EPB41L5: variants seen among roughly 807,000 people sequenced by gnomAD.
EPB41L5 encodes the protein erythrocyte membrane protein band 4.1 like 5.
Under a neutral mutation model 106.6 loss-of-function variants are expected in EPB41L5, and 55 were observed. The ratio of observed to expected loss-of-function variants is 0.52; its 90% CI spans 0.42 to 0.65. EPB41L5 has a LOEUF of 0.65. EPB41L5 is among the 30% of genes least tolerant of loss of function. The pLI is 0.00. For synonymous variants in EPB41L5, 297 were observed against 306.7 expected (o/e 0.97, Z 0.33); for missense variants, 871 against 882.1 (o/e 0.99, Z 0.16).
chr2:120,095,701 C>G (rs1683708745), intron 14 of EPB41L5, among the ~76,000 whole-genome samples: 2 of 152,054 alleles, frequency 1.3e-5, no homozygotes, highest in Admixed American at 6.6e-5. Flanking sequence ...CGGAGTCTTG[C>G]TCTATCGCTC....
intron 2 of EPB41L5, among the ~76,000 whole-genome samples, chr2:120,027,133 G>T (rs994172078): frequency 1.3e-5 from 2 of 152,168 alleles, no homozygotes; most frequent in African/African-American, 4.8e-5. Flanking sequence ...CAGCTGCTTT[G>T]GATAATAGTG....
chr2:120,104,946 T>A, intron 16 of EPB41L5: 9 of 979,780 alleles, frequency 9.2e-6, no homozygotes, highest in Non-Finnish European at 8.5e-6. Flanking sequence ...AACTGAATGG[T>A]TACATTACTA....
intron 3 of EPB41L5, among the ~76,000 whole-genome samples, chr2:120,067,566 A>G (rs1412571309): frequency 1.3e-5 from 2 of 152,226 alleles, no homozygotes; most frequent in Non-Finnish European, 2.9e-5. Flanking sequence ...AATATCTGGA[A>G]TAGGTTTTTA....
intron 2 of EPB41L5, among the ~76,000 whole-genome samples, chr2:120,034,580 A>G (rs1678923143): frequency 6.6e-6 from 1 of 152,050 alleles, no homozygotes; most frequent in East Asian, 1.9e-4. Context: ...TAAATTTGTT[A>G]GCTGGGCTCA....
intron 11 of EPB41L5, among the ~76,000 whole-genome samples, chr2:120,088,460 G>A (rs1404992973): frequency 1.3e-5 from 2 of 152,138 alleles, no homozygotes; most frequent in Admixed American, 6.6e-5. Flanking sequence ...AGAGGGAGAA[G>A]AGTAGAAAAG....
chr2:120,075,711 C>G lies in EPB41L5; in HGVS notation c.463C>G (p.Pro155Ala), dbSNP rs1459292528. ...QDILSGKLDC[P>A]FDTAVQLAAY... ...GTGTTTTGGTCTCAGATTAGACTGT[C>G]CCTTTGATACAGCAGTGCAATTGGC... The change falls in exon 7 of 25, where the codon CCC becomes GCC. Residue 155 changes from proline (P) to alanine (A), a missense_variant. Transcript: ENST00000263713. 1 of 1,613,412 alleles carries G rather than the reference C, an allele frequency of 6.2e-7. No homozygotes were observed. Among genetic ancestry groups the G allele is most frequent in the Non-Finnish European group, 8.5e-7 (1 of 1,179,540 alleles).
At chr2:120,160,766 C>T in intron 20 of EPB41L5, 115 bp from the exon 21 acceptor site, 2 of 695,818 alleles carry the variant, frequency 2.9e-6, no homozygotes, top group Middle Eastern at 2.5e-4. Flanking sequence ...AGCATTTTTT[C>T]ATATACCTTC....
At chr2:120,111,107 G>C (rs1684711588) in intron 16 of EPB41L5, among the ~76,000 whole-genome samples, 1 of 152,074 alleles carries the variant, frequency 6.6e-6, no homozygotes, top group South Asian at 2.1e-4. Flanking sequence ...TCCAGGATCT[G>C]ACCCGAGATC....
At chr2:120,090,644 C>A (rs1168787645) in intron 12 of EPB41L5, 128 bp downstream of exon 12, 3 of 714,356 alleles carry the variant, frequency 4.2e-6, no homozygotes, top group Non-Finnish European at 6.7e-6. Flanking sequence ...CAGAGTCTTC[C>A]ATTGGCCAAA....
intron 2 of EPB41L5, among the ~76,000 whole-genome samples, chr2:120,026,665 G>A (rs138704877): frequency 3.3e-4 from 51 of 152,262 alleles, no homozygotes; most frequent in Non-Finnish European, 6.0e-4. Context: ...CACTGCGCCC[G>A]GCCTGGCACC....
At chr2:120,118,330 AATTT>A (rs1236755767) in intron 16 of EPB41L5, among the ~76,000 whole-genome samples, 1 of 152,026 alleles carries the variant, frequency 6.6e-6, no homozygotes, top group Non-Finnish European at 1.5e-5. Context: ...CTCAGACCTA[AATTT>A]ATTTATTTAT....
intron 14 of EPB41L5, among the ~76,000 whole-genome samples, chr2:120,099,771 A>G (rs2105394041): frequency 6.6e-6 from 1 of 152,174 alleles, no homozygotes; most frequent in East Asian, 1.9e-4. Context: ...TTGGAGAGGA[A>G]GGTGTACACA....
intron 16 of EPB41L5, among the ~76,000 whole-genome samples, chr2:120,118,470 A>C (rs541658313): frequency 6.6e-6 from 1 of 152,240 alleles, no homozygotes; most frequent in African/African-American, 2.4e-5. Context: ...CTGGGTATTA[A>C]GCCAGCATCC....
At chr2:120,174,227 G>T (rs533522633) in intron 24 of EPB41L5, among the ~76,000 whole-genome samples, 1 of 152,310 alleles carries the variant, frequency 6.6e-6, no homozygotes, top group South Asian at 2.1e-4. Context: ...AGGCTGAGGA[G>T]GGCAGATGGC....
chr2:120,157,435 A>AG (rs1448831809), intron 20 of EPB41L5, among the ~76,000 whole-genome samples: 1 of 151,982 alleles, frequency 6.6e-6, no homozygotes, highest in Non-Finnish European at 1.5e-5. Context: ...AAAAAAAAAA[A>AG]TTAGAGCTGA....
intron 6 of EPB41L5, 49 bp from the exon 7 acceptor site, chr2:120,075,652 T>C (rs1682177907): frequency 6.6e-7 from 1 of 1,506,564 alleles, no homozygotes; most frequent in Non-Finnish European, 9.2e-7. Context: ...TGTCTTAAAA[T>C]GAAGGTTATG....
intron 3 of EPB41L5, among the ~76,000 whole-genome samples, chr2:120,054,960 G>T (rs1035221112): frequency 6.7e-6 from 1 of 149,240 alleles, no homozygotes; most frequent in Non-Finnish European, 1.5e-5. Flanking sequence ...TCTGCCTCCC[G>T]GGTCCAAGTG....
At chr2:120,090,585 C>T in intron 12 of EPB41L5, 69 bp downstream of exon 12, 5 of 1,383,584 alleles carry the variant, frequency 3.6e-6, no homozygotes, top group Non-Finnish European at 4.0e-6. Context: ...CCAATCTTCT[C>T]TTTTTTACAG....
chr2:120,163,258 G>GC lies in EPB41L5; in HGVS notation c.1888-1564dup, dbSNP rs372952438. 4.0e-3 allele frequency among the ~76,000 whole-genome samples: 351 copies of GC among 87,502 alleles called. 2 individuals are homozygous for GC. The highest frequency in any genetic ancestry group is 5.2e-3 in the South Asian group (11 of 2,108). The allele number at this position is 87,502 out of a possible 152,430, so 57.4% of individuals were successfully genotyped here. A position where few individuals can be genotyped will look rare whatever the true frequency, so the allele number is the denominator to read the frequency against. Reference sequence around the variant, plus strand: ...TGACAGAGCAAGACCGTGTCCCTCTGCCCCCCCCCCCCCCAAAAAAAGAAA... The same window carrying GC: ...TGACAGAGCAAGACCGTGTCCCTCTGCCCCCCCCCCCCCCCAAAAAAAGAAA... On this transcript the variant is annotated intron_variant, in intron 21 of 24. Coordinates refer to ENST00000263713, the MANE Select transcript of EPB41L5 (RefSeq NM_020909.4).
Sources: gnomAD v4.1 joint callset for allele counts (sites outside exome capture counted in the v4.1 genomes callset) on GRCh38, gnomAD v4.1.1 for gene constraint, MANE v1.5 for transcripts, NCBI Gene and HGNC (gene_info 2026-07-23, HGNC 2026-07-21) for gene names.